NHSL3: variants seen among roughly 807,000 people sequenced by gnomAD.
NHSL3 encodes NHS like 3.
At chr1:32,765,929 G>A in the NHSL3 span, 10 of 1,133,754 alleles carry the variant, frequency 8.8e-6, no homozygotes, top group Admixed American at 1.2e-4. Context: ...AAGTAATGGG[G>A]TGGGGCTGGG....
chr1:32,760,032 T>TTTCTGC, the NHSL3 span, among the ~76,000 whole-genome samples: 3 of 152,370 alleles, frequency 2.0e-5, no homozygotes, highest in African/African-American at 7.2e-5. Flanking sequence ...TACATTCTGG[T>TTTCTGC]TTCTGCTTCT....
the NHSL3 span, chr1:32,771,041 C>T: frequency 6.2e-7 from 1 of 1,613,392 alleles, no homozygotes; most frequent in Non-Finnish European, 8.5e-7. Context: ...TCTCTTCGCT[C>T]CCCTGGGGCC....
At chr1:32,768,794 G>A in the NHSL3 span, 11 of 1,611,648 alleles carry the variant, frequency 6.8e-6, no homozygotes, top group East Asian at 2.2e-5. Flanking sequence ...ATGGGCAGGG[G>A]AGAGGGACAG....
the NHSL3 span, chr1:32,767,665 T>C: frequency 1.3e-6 from 1 of 784,890 alleles, no homozygotes; most frequent in South Asian, 1.8e-5. Context: ...GAAGGGGGCA[T>C]TGCTTGTATA....
chr1:32,743,859 G>A, the NHSL3 span, among the ~76,000 whole-genome samples: 1 of 152,176 alleles, frequency 6.6e-6, no homozygotes, highest in Non-Finnish European at 1.5e-5. Context: ...CCACGTGCAT[G>A]GGTAACACCT....
chr1:32,772,889 C>A, the NHSL3 span: 21 of 1,613,904 alleles, frequency 1.3e-5, no homozygotes, highest in Non-Finnish European at 1.5e-5. Context: ...CTGGCCTGAC[C>A]ACCAGGCACC....
the NHSL3 span, among the ~76,000 whole-genome samples, chr1:32,749,058 G>A: frequency 6.6e-6 from 1 of 152,172 alleles, no homozygotes; most frequent in Non-Finnish European, 1.5e-5. Flanking sequence ...ATGAGTGTGT[G>A]TATAGGGGGG....
the NHSL3 span, chr1:32,768,776 G>C: frequency 6.2e-7 from 1 of 1,613,770 alleles, no homozygotes; most frequent in Admixed American, 1.7e-5. Flanking sequence ...CAGCGCAAAG[G>C]TGGATTCATG....
chr1:32,771,839 T>C, the NHSL3 span: 1 of 1,608,210 alleles, frequency 6.2e-7, no homozygotes, highest in Non-Finnish European at 8.5e-7. Flanking sequence ...CTGCAGATGG[T>C]GCGGCTGCGC....
the NHSL3 span, among the ~76,000 whole-genome samples, chr1:32,748,744 G>A: frequency 6.6e-6 from 1 of 152,160 alleles, no homozygotes; most frequent in Non-Finnish European, 1.5e-5. Flanking sequence ...ATGTAATAGG[G>A]GCGGAGTTCC....
At chr1:32,771,221 A>C in the NHSL3 span, 2 of 1,611,716 alleles carry the variant, frequency 1.2e-6, no homozygotes, top group Non-Finnish European at 1.7e-6. Context: ...AGGAGCCCTA[A>C]CCCAGCTGCC....
chr1:32,773,283 A>T, the NHSL3 span: 45 of 223,022 alleles, frequency 2.0e-4, no homozygotes, highest in Admixed American at 2.1e-3. Context: ...GAATCAAAGC[A>T]CTTTTGAAAA....
chr1:32,772,718 G>A, the NHSL3 span: 2 of 861,298 alleles, frequency 2.3e-6, no homozygotes, highest in Admixed American at 4.0e-5. Flanking sequence ...GTCTGAACAT[G>A]TGTAGGGTGT....
chr1:32,772,418 A>G, the NHSL3 span: 52 of 1,529,160 alleles, frequency 3.4e-5, no homozygotes, highest in Non-Finnish European at 4.5e-5. Flanking sequence ...GGCCCAGAGG[A>G]GAAGATGGGC....
At chr1:32,769,142 T>A in the NHSL3 span, among the ~76,000 whole-genome samples, 1 of 151,894 alleles carries the variant, frequency 6.6e-6, no homozygotes, top group South Asian at 2.1e-4. Context: ...TAGTCCCAGC[T>A]ACTTGGGAGG....
At chr1:32,750,786 A>G in the NHSL3 span, among the ~76,000 whole-genome samples, 2 of 151,282 alleles carry the variant, frequency 1.3e-5, no homozygotes, top group Admixed American at 1.3e-4. Flanking sequence ...GATTACAGGC[A>G]TGAGCCACAG....
chr1:32,770,677 C>A, the NHSL3 span: 16 of 1,526,950 alleles, frequency 1.0e-5, no homozygotes, highest in East Asian at 1.4e-4. The surrounding 1 kb of genome is among the most constrained non-coding windows in gnomAD (Gnocchi z 8.3). Flanking sequence ...GCCTCCACCC[C>A]CTCCCCGCCG....
At chr1:32,772,213 C>A in the NHSL3 span, 10 of 1,609,850 alleles carry the variant, frequency 6.2e-6, no homozygotes, top group African/African-American at 1.3e-5. Context: ...GCAGCGGCCA[C>A]CCCAGGCCCC....
chr1:32,760,190 G>A, the NHSL3 span, among the ~76,000 whole-genome samples: 1,301 of 152,294 alleles, frequency 8.5e-3, 7 homozygotes, highest in Non-Finnish European at 0.012. Flanking sequence ...GGAGTTGGGG[G>A]CTGGGTTGGC....
Sources: allele counts gnomAD v4.1 joint callset (sites outside exome capture counted in the v4.1 genomes callset), GRCh38; gene constraint gnomAD v4.1.1; non-coding constraint Gnocchi (gnomAD v3.1); transcripts MANE v1.5; gene names NCBI Gene and HGNC (gene_info 2026-07-23, HGNC 2026-07-21).